Variants in CNTNAP5 observed in about 807,000 individuals in gnomAD.
The protein encoded by CNTNAP5 is contactin-associated protein-like 5.
Under a neutral mutation model 150.2 loss-of-function variants are expected in CNTNAP5, and 72 were observed. That is an observed-to-expected ratio of 0.48 (90% CI 0.40 to 0.58). The LOEUF is 0.58. Ranked by LOEUF, CNTNAP5 falls within the 20% of genes least tolerant of loss-of-function variation. CNTNAP5 has a pLI of 0.00. For missense variants in CNTNAP5, 1,636 were observed against 1,626.2 expected (o/e 1.01, Z -0.10); for synonymous variants, 672 against 619.8 (o/e 1.08, Z -1.25).
At chr2:124,553,824 C>A (rs1695688725) in intron 10 of CNTNAP5, among the ~76,000 whole-genome samples, 1 of 152,138 alleles carries the variant, frequency 6.6e-6, no homozygotes, top group African/African-American at 2.4e-5. Flanking sequence ...GTGCTCCAGA[C>A]TGAACAAATG....
intron 3 of CNTNAP5, among the ~76,000 whole-genome samples, chr2:124,356,182 T>A (rs2104707461): frequency 6.6e-6 from 1 of 152,248 alleles, no homozygotes; most frequent in African/African-American, 2.4e-5. Context: ...TAACAAATAT[T>A]TTAGAAGGTA....
chr2:124,164,975 G>A (rs4848916), intron 1 of CNTNAP5, among the ~76,000 whole-genome samples: 12,645 of 152,126 alleles, frequency 0.083, 754 homozygotes, highest in East Asian at 0.34. Flanking sequence ...GGTGGAGCAG[G>A]TAGAACACAA....
At chr2:124,548,329 G>A (rs939618678) in intron 10 of CNTNAP5, among the ~76,000 whole-genome samples, 1 of 152,152 alleles carries the variant, frequency 6.6e-6, no homozygotes, top group African/African-American at 2.4e-5. Flanking sequence ...TTTATGGCGA[G>A]GCTGTGCTAT....
chr2:124,025,754 C>T (rs371083325), intron 1 of CNTNAP5, 22 bp downstream of exon 1: 5 of 1,578,444 alleles, frequency 3.2e-6, no homozygotes, highest in African/African-American at 2.7e-5. Context: ...GAGCTGGGGG[C>T]GGGAAGGTGA....
At chr2:124,670,542 G>A (rs34276763) in intron 13 of CNTNAP5, among the ~76,000 whole-genome samples, 34,480 of 151,912 alleles carry the variant, frequency 0.23, 4,387 homozygotes, top group African/African-American at 0.35. Flanking sequence ...GTCCTTTGAT[G>A]TAAAGTTTCT....
At chr2:124,707,200 A>AGAG (rs1319089788) in intron 13 of CNTNAP5, among the ~76,000 whole-genome samples, 1 of 144,114 alleles carries the variant, frequency 6.9e-6, no homozygotes, top group African/African-American at 2.5e-5. Context: ...AAGAAGAAGA[A>AGAG]GAAGAATAAA....
intron 14 of CNTNAP5, 82 bp from the exon 15 acceptor site, chr2:124,763,590 T>TAC: frequency 7.1e-7 from 1 of 1,414,606 alleles, no homozygotes; most frequent in South Asian, 1.3e-5. Flanking sequence ...GCCAAATCAC[T>TAC]TCTGAAAAGA....
In CNTNAP5 at chr2:124,914,333, A is replaced by T; in HGVS notation, c.*45A>T. 1 of 1,344,200 alleles carries T rather than the reference A, an allele frequency of 7.4e-7. No homozygotes were observed. The highest frequency in any genetic ancestry group is 1.1e-6 in the Non-Finnish European group (1 of 948,938). 83.3% of individuals were successfully genotyped at this position (1,344,200 alleles called of 1,614,324 possible). ...TACTCTTTTTTCTTGTTGTTCAATT[A>T]TCTCCTCCCCCTCTTCTCTCCTGTC... On this transcript the variant is annotated 3_prime_UTR_variant, in exon 24 of 24. Coordinates refer to ENST00000682447, the MANE Select transcript of CNTNAP5 (RefSeq NM_001367498.1).
Position 124,610,007 on chromosome 2 carries a change from G to A in CNTNAP5, c.1876+87G>A, listed in dbSNP as rs186483951. 40 of 1,438,332 alleles carry A rather than the reference G, an allele frequency of 2.8e-5. No individual in the cohort carries two copies. The African/African-American group carries it at 3.7e-4, about 13-fold the overall frequency. 89.1% of individuals were successfully genotyped at this position (1,438,332 alleles called of 1,614,324 possible). ...AAATTCACTGGAGGGGGATACCTAC[G>A]TGAATAAAAATTTGAAAGACCAACT... is the stretch of plus-strand genomic sequence containing the variant. On this transcript the variant is annotated intron_variant, in intron 12 of 23. Coordinates refer to ENST00000682447, the MANE Select transcript of CNTNAP5 (RefSeq NM_001367498.1).
intron 13 of CNTNAP5, among the ~76,000 whole-genome samples, chr2:124,675,962 A>C (rs1678931328): frequency 6.6e-6 from 1 of 152,152 alleles, no homozygotes; most frequent in Non-Finnish European, 1.5e-5. Context: ...CATTTCAGAT[A>C]ATATAATGTG....
At position 124,918,284 on chromosome 2, in the gene CNTNAP5, C is replaced by T. The variant is rs1290443625; in HGVS notation, c.*3996C>T. 6.6e-6 allele frequency among the ~76,000 whole-genome samples: 1 copy of T among 152,038 alleles called. No homozygotes were observed. Among genetic ancestry groups the T allele is most frequent in the Admixed American group, 6.6e-5 (1 of 15,238 alleles). On this transcript the variant is annotated 3_prime_UTR_variant, in exon 24 of 24. Coordinates refer to ENST00000682447, the MANE Select transcript of CNTNAP5 (RefSeq NM_001367498.1). ...TCCTGAAGGTGGTTTGGTTGTCATC[C>T]AGCTCTTCCTAAAACCCTCCTTAGT... is the stretch of plus-strand genomic sequence containing the variant.
chr2:124,620,251 T>G (rs1294138689), intron 12 of CNTNAP5, among the ~76,000 whole-genome samples: 1 of 152,144 alleles, frequency 6.6e-6, no homozygotes, highest in East Asian at 1.9e-4. Flanking sequence ...TTTCCCGTTT[T>G]TTTCTTTCCT....
rs774766192 is a variant in CNTNAP5 at position 124,647,823 on chromosome 2, C to A, written c.1942C>A (p.Pro648Thr). ...GCTGACCCGAGTGCGGGGCGCTAAC[C>A]CTGAGAAGCCCTATGCCATGGCCTT... ...TELTRVRGAN[P>T]EKPYAMALDY... is the part of the protein sequence containing the mutation. Residue 648 changes from proline (P) to threonine (T), a missense_variant, in exon 13 of 24, where the codon CCT becomes ACT. Transcript: ENST00000682447. The A allele has an allele frequency of 6.2e-7, 1 of 1,613,504 alleles. No individual in the cohort carries two copies. The highest frequency in any genetic ancestry group is 1.1e-5 in the South Asian group (1 of 90,936).
intron 13 of CNTNAP5, among the ~76,000 whole-genome samples, chr2:124,728,074 A>G (rs2105123900): frequency 6.6e-6 from 1 of 152,162 alleles, no homozygotes; most frequent in Non-Finnish European, 1.5e-5. Flanking sequence ...AAAGGTTTTC[A>G]TTCTTATTCT....
At chr2:124,503,501 G>A (rs1694324236) in intron 7 of CNTNAP5, among the ~76,000 whole-genome samples, 1 of 152,026 alleles carries the variant, frequency 6.6e-6, no homozygotes, top group Non-Finnish European at 1.5e-5. Context: ...CTTCTTTTGG[G>A]TTCGATGCAC....
intron 3 of CNTNAP5, among the ~76,000 whole-genome samples, chr2:124,401,974 G>T (rs542283102): frequency 1.3e-5 from 2 of 152,160 alleles, no homozygotes; most frequent in Non-Finnish European, 2.9e-5. Flanking sequence ...AGTAACTTCT[G>T]CTGACAAGTT....
At chr2:124,614,063 AT>A (rs1394255406) in intron 12 of CNTNAP5, among the ~76,000 whole-genome samples, 8 of 152,256 alleles carry the variant, frequency 5.3e-5, no homozygotes, top group African/African-American at 1.9e-4. Flanking sequence ...ACTTTTAACA[AT>A]TTTTTTAAGT....
intron 13 of CNTNAP5, among the ~76,000 whole-genome samples, chr2:124,695,119 A>C (rs961990183): frequency 6.6e-6 from 1 of 152,112 alleles, no homozygotes; most frequent in African/African-American, 2.4e-5. Flanking sequence ...GAATCGATAA[A>C]ACAATACATC....
At chr2:124,496,925 C>T (rs539927480) in intron 7 of CNTNAP5, among the ~76,000 whole-genome samples, 93 of 152,232 alleles carry the variant, frequency 6.1e-4, no homozygotes, top group African/African-American at 1.8e-3. Flanking sequence ...CCATAGCTAC[C>T]TGGATGTATA....
Sources: allele counts gnomAD v4.1 joint callset (sites outside exome capture counted in the v4.1 genomes callset), GRCh38; gene constraint gnomAD v4.1.1; transcripts MANE v1.5; gene names NCBI Gene and HGNC (gene_info 2026-07-23, HGNC 2026-07-21).